Variants in PRKCE observed in about 807,000 individuals in gnomAD.
PRKCE encodes the protein protein kinase C epsilon.
PRKCE carries 16 observed loss-of-function variants against 85.4 expected under a neutral mutation model. The ratio of observed to expected loss-of-function variants is 0.19; its 90% confidence interval spans 0.13 to 0.28. PRKCE has a LOEUF of 0.28. Among genes scored for constraint, PRKCE ranks in the 10% least tolerant of loss-of-function variants. The pLI is 1.00. For synonymous variants in PRKCE, 388 were observed against 371.5 expected, an observed-to-expected ratio of 1.04 and a Z score of -0.51; for missense variants, 573 against 975.2, an observed-to-expected ratio of 0.59 and a Z score of 5.49.
chr2:45,778,244 GA>G (rs374460669), intron 1 of PRKCE, among the ~76,000 whole-genome samples: 154 of 152,276 alleles, frequency 1.0e-3, no homozygotes, highest in Middle Eastern at 6.8e-3. Flanking sequence ...GGGGAGCCAT[GA>G]GGGGTTTTGA....
intron 1 of PRKCE, among the ~76,000 whole-genome samples, chr2:45,829,582 C>A (rs1213221321): frequency 2.0e-5 from 3 of 152,190 alleles, no homozygotes; most frequent in Non-Finnish European, 4.4e-5. Context: ...GAATAGAGAA[C>A]TCTGGAGCTA....
At chr2:45,980,154 C>G in intron 4 of PRKCE, 142 bp from the exon 5 acceptor site, 2 of 664,572 alleles carry the variant, frequency 3.0e-6, no homozygotes, top group East Asian at 2.8e-5. Flanking sequence ...GTATAAAAGA[C>G]TTTAGGGAGG....
chr2:45,794,959 G>A (rs994490307), intron 1 of PRKCE, among the ~76,000 whole-genome samples: 2 of 150,576 alleles, frequency 1.3e-5, no homozygotes, highest in Non-Finnish European at 2.9e-5. Context: ...TTCAGACTCC[G>A]CTTCTGCTGT....
chr2:46,115,249 G>A (rs998411560), intron 11 of PRKCE, among the ~76,000 whole-genome samples: 2 of 152,182 alleles, frequency 1.3e-5, no homozygotes, highest in African/African-American at 4.8e-5. Context: ...TTGCCATCTG[G>A]TCTTCTGCAT....
rs372151795 is a variant in PRKCE, at chr2:45,952,045, C to T, written c.413-24384C>T. 3.3e-5 allele frequency among the ~76,000 whole-genome samples: 5 copies of T among 152,190 alleles called. No individual in the cohort carries two copies. In the East Asian group the frequency reaches 9.6e-4, roughly 29 times the overall value. ...ACGGAGTTTCATCATGTTGGCCAGG[C>T]TGGTCTTCAACTCCTGGCGTCAAGT... On this transcript the variant is annotated intron_variant, in intron 2 of 14. Coordinates refer to ENST00000306156, the MANE Select transcript of PRKCE (RefSeq NM_005400.3).
intron 10 of PRKCE, among the ~76,000 whole-genome samples, chr2:46,023,464 G>A (rs1706852076): frequency 6.6e-6 from 1 of 152,242 alleles, no homozygotes; most frequent in Admixed American, 6.5e-5. Context: ...TGAATGCTTT[G>A]TGGTAGCACT....
At chr2:45,775,055 C>T (rs1249573406) in intron 1 of PRKCE, among the ~76,000 whole-genome samples, 1 of 152,144 alleles carries the variant, frequency 6.6e-6, no homozygotes, top group Non-Finnish European at 1.5e-5. Flanking sequence ...AATTGGTTCC[C>T]AAGGGGGGCC....
At chr2:45,990,458 G>C (rs1703699371) in intron 6 of PRKCE, among the ~76,000 whole-genome samples, 1 of 152,150 alleles carries the variant, frequency 6.6e-6, no homozygotes. Flanking sequence ...GGGGCAATCA[G>C]GAGGCAGCTT....
rs543263442 is a variant in PRKCE, at chr2:46,033,034, G to A, written c.1437+22517G>A. 1.9e-4 allele frequency among the ~76,000 whole-genome samples: 29 copies of A among 152,260 alleles called. 1 individual carries two copies. The South Asian group carries it at 4.6e-3, about 24-fold the overall frequency. ...AGCCATCCAGTTGGAGGAGAAGCCC[G>A]TTCTCACCTGTAATCAGATGAAAAA... On this transcript the variant is annotated intron_variant, in intron 10 of 14. Coordinates refer to ENST00000306156, the MANE Select transcript of PRKCE (RefSeq NM_005400.3).
chr2:46,072,242 G>T (rs1319738872), intron 10 of PRKCE, among the ~76,000 whole-genome samples: 1 of 152,222 alleles, frequency 6.6e-6, no homozygotes, highest in African/African-American at 2.4e-5. Context: ...TGCCACTTAA[G>T]ATTTAAAACA....
rs1407190036 is a variant in PRKCE, at chr2:45,652,093, C to A, written c.-8C>A. ...GAGTGACCCCGGCCCCCACTCCCCG[C>A]CCCGACCATGGTAGTGTTCAATGGC... On this transcript the variant is annotated 5_prime_UTR_variant, in exon 1 of 15. Transcript: ENST00000306156. The surrounding 1 kb of genome is among the most constrained non-coding windows in gnomAD (Gnocchi z 7.7). The A allele has an allele frequency of 2.0e-6, 3 of 1,531,646 alleles. No homozygotes were observed. Among genetic ancestry groups the A allele is most frequent in the Admixed American group, 4.0e-5 (2 of 50,444 alleles). 94.9% of individuals were successfully genotyped at this position (1,531,646 alleles called of 1,614,324 possible).
intron 1 of PRKCE, among the ~76,000 whole-genome samples, chr2:45,716,729 A>AGGAC (rs1465529421): frequency 7.6e-5 from 4 of 52,754 alleles, no homozygotes; most frequent in African/African-American, 3.3e-4. Flanking sequence ...GAAGGAAGGA[A>AGGAC]GGAAAGTAGG....
At chr2:46,152,076 T>C (rs1053059715) in intron 13 of PRKCE, among the ~76,000 whole-genome samples, 2 of 152,252 alleles carry the variant, frequency 1.3e-5, no homozygotes, top group Non-Finnish European at 2.9e-5. Flanking sequence ...TTGCACATTA[T>C]AGTCACAAAA....
At chr2:46,151,642 T>C (rs370064717) in intron 13 of PRKCE, among the ~76,000 whole-genome samples, 1 of 113,564 alleles carries the variant, frequency 8.8e-6, no homozygotes, top group African/African-American at 3.5e-5. Context: ...GGACCTGTGA[T>C]GGAGAACAGA....
intron 2 of PRKCE, among the ~76,000 whole-genome samples, chr2:45,867,196 A>G (rs1693683104): frequency 6.6e-6 from 1 of 152,196 alleles, no homozygotes; most frequent in Non-Finnish European, 1.5e-5. Context: ...TAGAAAAGGC[A>G]TTGGAAAGTG....
At chr2:45,670,001 A>C (rs1676082157) in intron 1 of PRKCE, among the ~76,000 whole-genome samples, 1 of 152,172 alleles carries the variant, frequency 6.6e-6, no homozygotes. Context: ...ACAGAGTGAG[A>C]CTCAGTCTCA....
chr2:46,002,020 G>T (rs1013092526), intron 7 of PRKCE, among the ~76,000 whole-genome samples: 2 of 152,110 alleles, frequency 1.3e-5, no homozygotes, highest in Admixed American at 1.3e-4. Flanking sequence ...AGCTGCCTGG[G>T]GAATATTGTT....
At chr2:45,807,342 C>T (rs1323261926) in intron 1 of PRKCE, among the ~76,000 whole-genome samples, 1 of 150,922 alleles carries the variant, frequency 6.6e-6, no homozygotes, top group Non-Finnish European at 1.5e-5. Context: ...ATGAAACCTC[C>T]AACTGGACAG....
chr2:45,841,931 G>A (rs150842616), intron 1 of PRKCE, among the ~76,000 whole-genome samples: 24 of 152,338 alleles, frequency 1.6e-4, no homozygotes, highest in African/African-American at 5.3e-4. Context: ...AGTGGTTCCT[G>A]CCCTCAAGAT....
Sources: gnomAD v4.1 joint callset for allele counts (sites outside exome capture counted in the v4.1 genomes callset) on GRCh38, gnomAD v4.1.1 for gene constraint, Gnocchi (gnomAD v3.1) non-coding constraint, MANE v1.5 for transcripts, NCBI Gene and HGNC (gene_info 2026-07-23, HGNC 2026-07-21) for gene names.